The following HECW1 variants were observed in gnomAD, a reference collection of about 807,000 sequenced individuals.
HECW1 encodes the protein HECT, C2 and WW domain containing E3 ubiquitin protein ligase 1.
HECW1 carries 61 observed loss-of-function variants against 182.3 expected under a neutral mutation model. The observed-to-expected ratio is 0.33, with a 90% CI of 0.27 to 0.41. The LOEUF (loss-of-function observed/expected upper bound fraction) is 0.41. Among genes scored for constraint, HECW1 ranks in the 10% least tolerant of loss-of-function variants. The pLI, the probability that HECW1 is intolerant of heterozygous loss-of-function variation, is 1.00. For synonymous variants in HECW1, 859 were observed against 832.6 expected, an observed-to-expected ratio of 1.03 and a Z score of -0.55; for missense variants, 1,739 against 2,108.9, an observed-to-expected ratio of 0.82 and a Z score of 3.44.
intron 24 of HECW1, among the ~76,000 whole-genome samples, chr7:43,524,366 A>G (rs2080671673): frequency 6.6e-6 from 1 of 152,236 alleles, no homozygotes; most frequent in Non-Finnish European, 1.5e-5. Context: ...CCAAACCTGA[A>G]GGCAGTAACA....
chr7:43,134,815 A>G (rs17795651), intron 2 of HECW1, among the ~76,000 whole-genome samples: 7,539 of 152,094 alleles, frequency 0.05, 268 homozygotes, highest in East Asian at 0.16. Flanking sequence ...ATATTATTCT[A>G]CCTTTGGTGA....
At chr7:43,181,819 ACT>A (rs980895536) in intron 2 of HECW1, among the ~76,000 whole-genome samples, 2 of 150,102 alleles carry the variant, frequency 1.3e-5, no homozygotes, top group African/African-American at 5.0e-5. Flanking sequence ...ATGGAGTCTC[ACT>A]CTGTCGCCCA....
chr7:43,311,188 A>T (rs1808458342), intron 3 of HECW1, among the ~76,000 whole-genome samples: 2 of 152,202 alleles, frequency 1.3e-5, no homozygotes, highest in Admixed American at 6.5e-5. Flanking sequence ...GAGTACTAGG[A>T]TGTTTGAAAT....
intron 29 of HECW1, among the ~76,000 whole-genome samples, chr7:43,561,011 T>C (rs1241121679): frequency 6.6e-6 from 1 of 152,248 alleles, no homozygotes; most frequent in Non-Finnish European, 1.5e-5. Flanking sequence ...AAAGAACTTC[T>C]GGCAGGGAGC....
At chr7:43,354,305 T>C (rs2152807981) in intron 5 of HECW1, among the ~76,000 whole-genome samples, 1 of 152,064 alleles carries the variant, frequency 6.6e-6, no homozygotes, top group Non-Finnish European at 1.5e-5. Context: ...CCTCCTCAAG[T>C]GGGCAAAGAA....
intron 2 of HECW1, among the ~76,000 whole-genome samples, chr7:43,206,681 C>T (rs1383723571): frequency 6.6e-6 from 1 of 152,142 alleles, no homozygotes; most frequent in East Asian, 1.9e-4. Flanking sequence ...GCTTTTATTT[C>T]CTTCTTTTTG....
intron 24 of HECW1, among the ~76,000 whole-genome samples, chr7:43,518,468 C>T (rs1190167945): frequency 1.3e-5 from 2 of 151,798 alleles, no homozygotes; most frequent in East Asian, 3.9e-4. Flanking sequence ...TGCACTCCAG[C>T]CTGGGCAACA....
At chr7:43,477,404 T>C (rs977473797) in intron 16 of HECW1, among the ~76,000 whole-genome samples, 5 of 152,210 alleles carry the variant, frequency 3.3e-5, no homozygotes, top group African/African-American at 9.6e-5. Context: ...CAGCATGTAT[T>C]TGAATAATGA....
intron 2 of HECW1, among the ~76,000 whole-genome samples, chr7:43,145,108 A>T (rs1256963433): frequency 1.3e-5 from 2 of 152,198 alleles, no homozygotes; most frequent in East Asian, 1.9e-4. Context: ...ATAAATTACT[A>T]ACTCTCTCAA....
chr7:43,528,332 G>A (rs1308485068), intron 24 of HECW1, among the ~76,000 whole-genome samples: 1 of 152,134 alleles, frequency 6.6e-6, no homozygotes, highest in Admixed American at 6.5e-5. Flanking sequence ...GGAAATCAAA[G>A]GTGGGGTAAT....
At chr7:43,142,909 C>T (rs906143794) in intron 2 of HECW1, among the ~76,000 whole-genome samples, 28 of 151,160 alleles carry the variant, frequency 1.9e-4, no homozygotes, top group African/African-American at 6.5e-4. Context: ...GTAAAATCGA[C>T]AGGTCCCAGG....
chr7:43,510,394 A>G (rs751228543), intron 24 of HECW1: 1 of 152,238 alleles, frequency 6.6e-6, no homozygotes, highest in Non-Finnish European at 1.5e-5. Context: ...TTCATCAAAT[A>G]TCTTACCATA....
chr7:43,254,523 G>T (rs570284418), intron 3 of HECW1, among the ~76,000 whole-genome samples: 2 of 152,328 alleles, frequency 1.3e-5, no homozygotes, highest in Admixed American at 6.5e-5. Flanking sequence ...ATGTCAAGGA[G>T]TTCAGGAGAA....
intron 2 of HECW1, among the ~76,000 whole-genome samples, chr7:43,222,163 C>T (rs898326311): frequency 6.6e-6 from 1 of 152,166 alleles, no homozygotes; most frequent in Non-Finnish European, 1.5e-5. Context: ...GGTTGGAACC[C>T]AGGCTTCGGT....
At chr7:43,176,029 C>G (rs1792206754) in intron 2 of HECW1, among the ~76,000 whole-genome samples, 1 of 152,150 alleles carries the variant, frequency 6.6e-6, no homozygotes, top group East Asian at 1.9e-4. Flanking sequence ...GTAGTGTTTT[C>G]TCAGCAAAAT....
intron 3 of HECW1, among the ~76,000 whole-genome samples, chr7:43,285,182 G>A (rs931724147): frequency 6.6e-6 from 1 of 152,090 alleles, no homozygotes; most frequent in African/African-American, 2.4e-5. Context: ...GACAAAAGGG[G>A]GAAATGGAAC....
intron 2 of HECW1, among the ~76,000 whole-genome samples, chr7:43,151,715 A>G (rs889375478): frequency 6.6e-6 from 1 of 152,332 alleles, no homozygotes; most frequent in Non-Finnish European, 1.5e-5. Context: ...TAGAATGAAA[A>G]TATAAATAGG....
intron 6 of HECW1, among the ~76,000 whole-genome samples, chr7:43,370,930 C>T (rs1045992045): frequency 2.6e-5 from 4 of 151,346 alleles, no homozygotes; most frequent in Non-Finnish European, 5.9e-5. Flanking sequence ...CTCTGTCACC[C>T]AGGCTGGAGT....
chr7:43,453,028 C>T (rs571028160), intron 12 of HECW1, among the ~76,000 whole-genome samples: 1 of 152,312 alleles, frequency 6.6e-6, no homozygotes, highest in African/African-American at 2.4e-5. Context: ...CATGCAGGGC[C>T]TTGTAAACCA....
Sources: allele counts gnomAD v4.1 joint callset (sites outside exome capture counted in the v4.1 genomes callset), GRCh38; gene constraint gnomAD v4.1.1; transcripts MANE v1.5; gene names NCBI Gene and HGNC (gene_info 2026-07-23, HGNC 2026-07-21).